WNT5A: variants seen among roughly 807,000 people sequenced by gnomAD.
WNT5A encodes the protein protein Wnt-5a.
WNT5A carries 9 observed loss-of-function variants against 42.1 expected under a neutral mutation model. The ratio of observed to expected loss-of-function variants is 0.21; its 90% CI spans 0.13 to 0.37. The LOEUF is 0.37. WNT5A is among the 10% of genes least tolerant of loss of function. The pLI, the probability that WNT5A is intolerant of heterozygous loss-of-function variation, is 1.00. For synonymous variants in WNT5A, 210 were observed against 210.0 expected, an observed-to-expected ratio of 1.00 and a Z score of 0.00; for missense variants, 426 against 534.0, an observed-to-expected ratio of 0.80 and a Z score of 1.99.
chr3:55,472,198 C>T (rs1340196038), intron 4 of WNT5A, among the ~76,000 whole-genome samples: 2 of 152,106 alleles, frequency 1.3e-5, no homozygotes, highest in African/African-American at 2.4e-5. Flanking sequence ...CAAAAAAACT[C>T]GCTACTAAAA....
At chr3:55,479,696 T>A (rs2051422463) in intron 2 of WNT5A, 132 bp from the exon 3 acceptor site, 1 of 1,272,068 alleles carries the variant, frequency 7.9e-7, no homozygotes, top group East Asian at 2.4e-5. Context: ...CATGACAAAG[T>A]ATGAGAAGGG....
upstream of WNT5A, among the ~76,000 whole-genome samples, chr3:55,491,251 G>T (rs1270108097): frequency 6.6e-6 from 1 of 152,180 alleles, no homozygotes; most frequent in Non-Finnish European, 1.5e-5. Flanking sequence ...GGTGTTGATT[G>T]GTTTGGCTGG....
rs1208249444 is a variant in WNT5A at position 55,467,273 on chromosome 3, A to G, written c.*2819T>C. 6.6e-6 allele frequency: 1 copy of G among 152,618 alleles called. No homozygotes were observed. The highest frequency in any genetic ancestry group is 1.5e-5 in the Non-Finnish European group (1 of 68,022). 9.5% of individuals were successfully genotyped at this position (152,618 alleles called of 1,614,324 possible). On this transcript the variant is annotated 3_prime_UTR_variant, in exon 5 of 5. Coordinates refer to ENST00000264634, the MANE Select transcript of WNT5A (RefSeq NM_003392.7). Reference sequence around the variant, plus strand: ...TCATTCTTCTCTGGGATGTTACAACAGCAACACGCTCTAAAACAATTAAGT... The same window carrying G: ...TCATTCTTCTCTGGGATGTTACAACGGCAACACGCTCTAAAACAATTAAGT...
In WNT5A at chr3:55,469,826, A is replaced by G. The variant is rs2051211005; in HGVS notation, c.*266T>C. 2.6e-6 allele frequency: 1 copy of G among 390,682 alleles called. No homozygotes were observed. The highest frequency in any genetic ancestry group is 2.1e-5 in the African/African-American group (1 of 48,710). The allele number at this position is 390,682 out of a possible 1,614,324, so 24.2% of individuals were successfully genotyped here. On this transcript the variant is annotated 3_prime_UTR_variant, in exon 5 of 5. Coordinates refer to ENST00000264634, the MANE Select transcript of WNT5A (RefSeq NM_003392.7). ...ATGTGTTATTTCCCCTTCATTCTATACTATCAAAAGAAGTCTTGTATTACC... is the reference window on the plus strand; with the variant it reads ...ATGTGTTATTTCCCCTTCATTCTATGCTATCAAAAGAAGTCTTGTATTACC...
chr3:55,495,081 C>A (rs1193164594), upstream of WNT5A, among the ~76,000 whole-genome samples: 1 of 152,180 alleles, frequency 6.6e-6, no homozygotes, highest in Non-Finnish European at 1.5e-5. Context: ...ATTGTACATA[C>A]ATCTGGTGTA....
upstream of WNT5A, chr3:55,490,366 C>T (rs2051645751): frequency 6.6e-6 from 1 of 152,198 alleles, no homozygotes; most frequent in African/African-American, 2.4e-5. Context: ...TGCAGTCTTT[C>T]CTCTAGTGGA....
chr3:55,492,945 C>T (rs1205842163), upstream of WNT5A, among the ~76,000 whole-genome samples: 1 of 152,196 alleles, frequency 6.6e-6, no homozygotes, highest in Non-Finnish European at 1.5e-5. Context: ...GTGCACACAA[C>T]CAGATTCAGC....
chr3:55,484,632 C>G (rs2051537932), intron 1 of WNT5A, among the ~76,000 whole-genome samples: 1 of 151,906 alleles, frequency 6.6e-6, no homozygotes, highest in Non-Finnish European at 1.5e-5. Context: ...TGGTTCTCCT[C>G]TGTTTCCTGC....
chr3:55,498,084 G>A, the WNT5A span, among the ~76,000 whole-genome samples: 2 of 152,140 alleles, frequency 1.3e-5, no homozygotes, highest in African/African-American at 4.8e-5. Context: ...AAAATTAGGT[G>A]GCTTCTTTCT....
upstream of WNT5A, chr3:55,487,311 G>T (rs1305340528): frequency 2.5e-6 from 1 of 393,070 alleles, no homozygotes; most frequent in Non-Finnish European, 4.5e-6. Context: ...ACTGTTCCAC[G>T]GAGAGGCGCT....
At position 55,483,562 on chromosome 3, in the gene WNT5A, G is replaced by C. The variant is rs1218697137; in HGVS notation, c.7-2644C>G. 6.6e-6 allele frequency among the ~76,000 whole-genome samples: 1 copy of C among 152,128 alleles called. No homozygotes were observed. Among genetic ancestry groups the C allele is most frequent in the Non-Finnish European group, 1.5e-5 (1 of 68,042 alleles). On this transcript the variant is annotated intron_variant, in intron 1 of 4. Transcript: ENST00000264634. This position sits in a 1 kb window ranked among gnomAD's most constrained non-coding sequence, Gnocchi z 4.2. ...CAGAAACTGAGTTTCCCAAAGAAGG[G>C]GCTAAATGTTTTCCAACACTTTCGG...
chr3:55,478,382 C>T (rs2051395703), intron 3 of WNT5A, among the ~76,000 whole-genome samples: 1 of 152,004 alleles, frequency 6.6e-6, no homozygotes, highest in South Asian at 2.1e-4. Context: ...TCAGTATAGA[C>T]AGTTAATTGC....
At chr3:55,474,694 G>T in intron 3 of WNT5A, 65 bp from the exon 4 acceptor site, 1 of 1,295,504 alleles carries the variant, frequency 7.7e-7, no homozygotes, top group Non-Finnish European at 9.8e-7. Context: ...TGCTGCCGGG[G>T]GTGGGGGTGG....
Position 55,474,596 on chromosome 3 carries a change from C to T in WNT5A, c.425G>A (p.Ser142Asn). Residue 142 changes from serine (S) to asparagine (N), a missense_variant, in exon 4 of 5, where the codon AGC (serine) becomes AAC (asparagine). By Grantham distance (46) the Ser-to-Asn change is conservative. This residue lies in a region of WNT5A where 358 missense variants were observed against 468.1 expected (regional missense o/e 0.76). Transcript: ENST00000264634. ...CATGGCGTTCACCACCCCTGCTGCG[C>T]TCACCGCGTATGTGAAGGCCGTCTC... is the stretch of plus-strand genomic sequence containing the variant. ...SRETAFTYAV[S>N]AAGVVNAMSR... The T allele has an allele frequency of 6.8e-7, 1 of 1,470,498 alleles. No homozygotes were observed. The highest frequency in any genetic ancestry group is 9.0e-7 in the Non-Finnish European group (1 of 1,115,408). 91.1% of individuals were successfully genotyped at this position (1,470,498 alleles called of 1,614,324 possible). A position where few individuals can be genotyped will look rare whatever the true frequency, so the allele number is the denominator to read the frequency against.
At position 55,466,028 on chromosome 3, in the gene WNT5A, T is replaced by C. The variant is rs943761766; in HGVS notation, c.*4064A>G. 2 of 152,214 alleles carry C rather than the reference T, an allele frequency of 1.3e-5. No homozygotes were observed. The highest frequency in any genetic ancestry group is 1.5e-5 in the Non-Finnish European group (1 of 68,028). 9.4% of individuals were successfully genotyped at this position (152,214 alleles called of 1,614,324 possible). Reference sequence around the variant, plus strand: ...TCATCAGATTAAAGTGTAAAGTTTGTGTGAACAGGGAAATTAGATCATTTC... The same window carrying C: ...TCATCAGATTAAAGTGTAAAGTTTGCGTGAACAGGGAAATTAGATCATTTC... On this transcript the variant is annotated 3_prime_UTR_variant, in exon 5 of 5. Coordinates refer to ENST00000264634, the MANE Select transcript of WNT5A (RefSeq NM_003392.7).
intron 1 of WNT5A, among the ~76,000 whole-genome samples, chr3:55,482,279 C>A (rs2051481176): frequency 6.6e-6 from 1 of 152,210 alleles, no homozygotes. Flanking sequence ...CGCTGCCGTT[C>A]CTCCCCACTG....
At chr3:55,498,061 G>T in the WNT5A span, among the ~76,000 whole-genome samples, 1 of 152,122 alleles carries the variant, frequency 6.6e-6, no homozygotes, top group Admixed American at 6.5e-5. Flanking sequence ...TCTCATGAAG[G>T]GTTGACAAGG....
chr3:55,498,361 A>G, the WNT5A span, among the ~76,000 whole-genome samples: 2 of 152,184 alleles, frequency 1.3e-5, no homozygotes, highest in Admixed American at 1.3e-4. Flanking sequence ...GGGATGGTGA[A>G]CTAAATGAGC....
chr3:55,472,059 T>C (rs1041039856), intron 4 of WNT5A, among the ~76,000 whole-genome samples: 3 of 152,110 alleles, frequency 2.0e-5, no homozygotes, highest in African/African-American at 7.2e-5. Flanking sequence ...TCTAATATGA[T>C]TTTCTGGCAC....
Sources: gnomAD v4.1 joint callset for allele counts (sites outside exome capture counted in the v4.1 genomes callset) on GRCh38, gnomAD v4.1.1 for gene constraint, gnomAD v4.1.1 regional missense constraint, Gnocchi (gnomAD v3.1) non-coding constraint, MANE v1.5 for transcripts, NCBI Gene and HGNC (gene_info 2026-07-23, HGNC 2026-07-21) for gene names.